CASD1: variants seen among roughly 807,000 people sequenced by gnomAD.
CASD1 encodes CAS1 domain sialic acid O acetyltransferase 1, also known as N-acetylneuraminate (7)9-O-acetyltransferase.
Under a neutral mutation model 100.0 loss-of-function variants are expected in CASD1, and 41 were observed. That is an observed-to-expected ratio of 0.41 (90% CI 0.32 to 0.53). The LOEUF is 0.53. CASD1 is among the 20% of genes least tolerant of loss of function. The probability of loss-of-function intolerance (pLI) is 0.25; values close to 1 mark genes in which losing one functional copy is unlikely to be tolerated. For synonymous variants in CASD1, 321 were observed against 315.6 expected, an observed-to-expected ratio of 1.02 and a Z score of -0.18; for missense variants, 774 against 948.7, an observed-to-expected ratio of 0.82 and a Z score of 2.42.
chr7:94,535,745 G>A (rs942120350), intron 8 of CASD1, among the ~76,000 whole-genome samples: 2 of 152,136 alleles, frequency 1.3e-5, no homozygotes, highest in Non-Finnish European at 2.9e-5. Flanking sequence ...AGAAGTTAGG[G>A]AAGAGGGGAA....
At chr7:94,624,939 T>G in the CASD1 span, 1 of 151,996 alleles carries the variant, frequency 6.6e-6, no homozygotes, top group South Asian at 2.1e-4. Context: ...AGGAAGAATT[T>G]TATTACCTGA....
chr7:94,610,486 AC>A, the CASD1 span, among the ~76,000 whole-genome samples: 362 of 152,250 alleles, frequency 2.4e-3, no homozygotes, highest in Non-Finnish European at 4.4e-3. Context: ...TTTTCTATAA[AC>A]CTAAAAATTC....
intron 3 of CASD1, among the ~76,000 whole-genome samples, chr7:94,525,452 A>G (rs1399024527): frequency 1.3e-5 from 2 of 152,178 alleles, no homozygotes; most frequent in African/African-American, 4.8e-5. Context: ...GATTTGTATC[A>G]TGGATTCATG....
chr7:94,594,059 C>CT, the CASD1 span, among the ~76,000 whole-genome samples: 1 of 152,052 alleles, frequency 6.6e-6, no homozygotes, highest in Non-Finnish European at 1.5e-5. Flanking sequence ...AGGCTAGACT[C>CT]TCTCTTGACG....
chr7:94,630,373 A>C, the CASD1 span, among the ~76,000 whole-genome samples: 1 of 151,880 alleles, frequency 6.6e-6, no homozygotes, highest in Non-Finnish European at 1.5e-5. Flanking sequence ...TACTTATAAA[A>C]ATGCATTGGA....
In CASD1 at chr7:94,518,305, C is replaced by G. The variant is rs1229591927; in HGVS notation, c.333C>G (p.Phe111Leu). 6.4e-7 allele frequency: 1 copy of G among 1,573,898 alleles called. No homozygotes were observed. The highest frequency in any genetic ancestry group is 1.2e-5 in the South Asian group (1 of 83,814). The part of the protein sequence containing the change: ...YSFVKIINPQ[F>L]KEEGNKHENI... Reference sequence around the variant, plus strand: ...TTGTAAAAATAATTAATCCCCAATTCAAAGAAGAAGGAAATAAGGTAAAAC... The same window carrying G: ...TTGTAAAAATAATTAATCCCCAATTGAAAGAAGAAGGAAATAAGGTAAAAC... The change falls in exon 3 of 18, where the codon TTC (phenylalanine) becomes TTG (leucine). Residue 111 changes from phenylalanine to leucine, a missense_variant. This residue lies in a region of CASD1 where 61 missense variants were observed against 115.9 expected (regional missense o/e 0.53). Coordinates refer to ENST00000297273, the MANE Select transcript of CASD1 (RefSeq NM_022900.5).
chr7:94,511,636 T>A (rs970812773), intron 1 of CASD1, among the ~76,000 whole-genome samples: 1 of 152,228 alleles, frequency 6.6e-6, no homozygotes, highest in Non-Finnish European at 1.5e-5. Context: ...TAACTACTAT[T>A]AATCATTTTA....
At chr7:94,585,889 C>G in the CASD1 span, among the ~76,000 whole-genome samples, 269 of 151,598 alleles carry the variant, frequency 1.8e-3, no homozygotes, top group South Asian at 4.4e-3. Flanking sequence ...ATGAGAAAAC[C>G]TGAAGGGGCA....
chr7:94,622,641 A>G, the CASD1 span: 3 of 152,088 alleles, frequency 2.0e-5, no homozygotes, highest in Non-Finnish European at 4.4e-5. Flanking sequence ...AAAAAAAAAA[A>G]AAAGAAAATT....
the CASD1 span, chr7:94,598,469 T>C: frequency 3.2e-6 from 1 of 316,670 alleles, no homozygotes; most frequent in South Asian, 3.6e-5. Flanking sequence ...GATATGGTTC[T>C]TTTTTTTATA....
rs957141169 is a variant in CASD1, at chr7:94,551,471, C to G, written c.1949C>G (p.Ser650Cys). ...TTTCTGTTGTTTATTTCAGTAGTTT[C>G]TTTCTTGGTAAGTTTTGAAAACTTT... Reference protein sequence around the residue: ...SNFLLFISVVSFLTYSIWASS... With the variant: ...SNFLLFISVVCFLTYSIWASS... The change falls in exon 15 of 18, where the codon TCT becomes TGT. Residue 650 changes from serine to cysteine, a missense_variant. Ser to Cys is a moderately radical substitution (Grantham distance 112, BLOSUM62 -1). Around this residue, in one of 5 missense-constraint regions of CASD1, gnomAD observed 175 missense variants for 206.9 expected, o/e 0.85. Coordinates refer to ENST00000297273, the MANE Select transcript of CASD1 (RefSeq NM_022900.5). 6.8e-7 allele frequency: 1 copy of G among 1,461,528 alleles called. No individual in the cohort carries two copies. Among genetic ancestry groups the G allele is most frequent in the Admixed American group, 2.8e-5 (1 of 35,258 alleles). 90.5% of individuals were successfully genotyped at this position (1,461,528 alleles called of 1,614,324 possible). A position where few individuals can be genotyped will look rare whatever the true frequency, so the allele number is the denominator to read the frequency against.
the CASD1 span, among the ~76,000 whole-genome samples, chr7:94,563,260 T>C: frequency 2.6e-5 from 4 of 151,920 alleles, no homozygotes; most frequent in Admixed American, 6.6e-5. Flanking sequence ...TTTCCAAATA[T>C]CCTAAACGGA....
chr7:94,612,013 T>G, the CASD1 span, among the ~76,000 whole-genome samples: 1 of 152,210 alleles, frequency 6.6e-6, no homozygotes, highest in African/African-American at 2.4e-5. Flanking sequence ...AAGTTATTAC[T>G]TTTAAGCCTT....
the CASD1 span, among the ~76,000 whole-genome samples, chr7:94,633,928 C>G: frequency 6.6e-6 from 1 of 152,114 alleles, no homozygotes. Flanking sequence ...AGAACACTTG[C>G]CAGTTCTTTT....
intron 1 of CASD1, among the ~76,000 whole-genome samples, chr7:94,514,161 T>C (rs1793858429): frequency 6.6e-6 from 1 of 152,158 alleles, no homozygotes. Flanking sequence ...ATGCCAGTGC[T>C]AAATGATATT....
At chr7:94,570,494 T>C in the CASD1 span, among the ~76,000 whole-genome samples, 2 of 152,078 alleles carry the variant, frequency 1.3e-5, no homozygotes, top group African/African-American at 4.8e-5. Context: ...GTTTTACAAA[T>C]TTGTCTTTTT....
chr7:94,552,371 A>C lies in CASD1; in HGVS notation c.1978A>C (p.Ser660Arg). The C allele has an allele frequency of 6.2e-7, 1 of 1,611,324 alleles. No homozygotes were observed. Among genetic ancestry groups the C allele is most frequent in the Non-Finnish European group, 8.5e-7 (1 of 1,179,030 alleles). The change falls in exon 16 of 18, where the codon AGT becomes CGT. Residue 660 changes from serine to arginine, a missense_variant. This residue lies in a region of CASD1 where 175 missense variants were observed against 206.9 expected (regional missense o/e 0.85). Coordinates refer to ENST00000297273, the MANE Select transcript of CASD1 (RefSeq NM_022900.5). ...SFLTYSIWAS[S>R]CKNKAECNEL... ...TTAGACCTATTCCATCTGGGCTAGC[A>C]GTTGTAAAAACAAAGCAGAGTGCAA...
At chr7:94,517,416 T>C (rs1260442521) in intron 1 of CASD1, 144 bp from the exon 2 acceptor site, 4 of 500,496 alleles carry the variant, frequency 8.0e-6, no homozygotes, top group Non-Finnish European at 1.1e-5. Flanking sequence ...ATGTTTCTCA[T>C]GAGTGGGAAC....
At chr7:94,536,131 T>G (rs111325905) in intron 8 of CASD1, among the ~76,000 whole-genome samples, 1 of 152,060 alleles carries the variant, frequency 6.6e-6, no homozygotes, top group Non-Finnish European at 1.5e-5. Flanking sequence ...TAATCCCAGC[T>G]ACTCGGGAGG....
Sources: allele counts gnomAD v4.1 joint callset (sites outside exome capture counted in the v4.1 genomes callset), GRCh38; gene constraint gnomAD v4.1.1; regional missense constraint gnomAD v4.1.1; transcripts MANE v1.5; gene names NCBI Gene and HGNC (gene_info 2026-07-23, HGNC 2026-07-21).